Variants in HORMAD2 observed in about 807,000 individuals in gnomAD.
HORMAD2 encodes the protein HORMA domain-containing protein 2.
In HORMAD2, 45 loss-of-function variants were observed where a neutral mutation model predicts 38.8. The ratio of observed to expected loss-of-function variants is 1.16; its 90% CI spans 0.91 to 1.49. The LOEUF is 1.49. Ranked by LOEUF, HORMAD2 falls within the 40% of genes most tolerant of loss-of-function variation. HORMAD2 has a pLI of 0.00. For missense variants in HORMAD2, 338 were observed against 367.0 expected, an observed-to-expected ratio of 0.92 and a Z score of 0.65; for synonymous variants, 126 against 122.8, an observed-to-expected ratio of 1.03 and a Z score of -0.17.
the HORMAD2 span, among the ~76,000 whole-genome samples, chr22:30,201,912 C>G: frequency 6.6e-6 from 1 of 152,148 alleles, no homozygotes; most frequent in Non-Finnish European, 1.5e-5. Context: ...ATGAGAAATG[C>G]TACGGGAACT....
the HORMAD2 span, among the ~76,000 whole-genome samples, chr22:30,184,172 T>C: frequency 0.14 from 20,837 of 152,192 alleles, 2,914 homozygotes; most frequent in African/African-American, 0.34. Context: ...GACTAAGATG[T>C]TAATTCACAG....
At chr22:30,099,038 C>T in intron 3 of HORMAD2, 45 bp downstream of exon 3, 1 of 1,535,660 alleles carries the variant, frequency 6.5e-7, no homozygotes, top group South Asian at 1.2e-5. Context: ...TAGCCCCTTT[C>T]TCTATTTAGC....
At chr22:30,153,618 T>G (rs73883377) in intron 10 of HORMAD2, among the ~76,000 whole-genome samples, 11,901 of 152,228 alleles carry the variant, frequency 0.078, 545 homozygotes, top group African/African-American at 0.093. Context: ...TGTCTATGCT[T>G]CCTGTGTCCA....
chr22:30,138,243 ATTTTT>A (rs34611740), intron 10 of HORMAD2, among the ~76,000 whole-genome samples: 2 of 142,622 alleles, frequency 1.4e-5, no homozygotes, highest in East Asian at 4.1e-4. Flanking sequence ...TCTTTTGCCC[ATTTTT>A]TTTTTTTTTG....
At chr22:30,145,043 CA>C (rs1924326530) in intron 10 of HORMAD2, among the ~76,000 whole-genome samples, 1 of 152,118 alleles carries the variant, frequency 6.6e-6, no homozygotes, top group Admixed American at 6.5e-5. Context: ...CAAATACCAC[CA>C]ACTTTTGTTG....
At chr22:30,111,071 G>T (rs988679378) in intron 5 of HORMAD2, among the ~76,000 whole-genome samples, 2 of 148,018 alleles carry the variant, frequency 1.4e-5, no homozygotes, top group African/African-American at 2.5e-5. Flanking sequence ...CAGGAGAATC[G>T]CTTGAACCCG....
chr22:30,182,547 G>C, the HORMAD2 span, among the ~76,000 whole-genome samples: 1 of 152,180 alleles, frequency 6.6e-6, no homozygotes, highest in Non-Finnish European at 1.5e-5. Context: ...TGCAGTTTAT[G>C]AAGGATCTGC....
At chr22:30,105,708 A>G (rs1569088886) in intron 5 of HORMAD2, among the ~76,000 whole-genome samples, 1 of 152,352 alleles carries the variant, frequency 6.6e-6, no homozygotes, top group Non-Finnish European at 1.5e-5. Context: ...ATTCATATGC[A>G]GGGCTGATGA....
intron 10 of HORMAD2, among the ~76,000 whole-genome samples, chr22:30,160,816 C>CTAGA (rs1925397700): frequency 6.6e-6 from 1 of 152,090 alleles, no homozygotes. Flanking sequence ...TTTTTCAAAG[C>CTAGA]TAGATCAGGA....
chr22:30,146,441 G>A (rs1924423444), intron 10 of HORMAD2, among the ~76,000 whole-genome samples: 2 of 152,152 alleles, frequency 1.3e-5, no homozygotes, highest in African/African-American at 2.4e-5. Context: ...GTTGCAGTGA[G>A]CCGAGATCAT....
chr22:30,111,400 C>G (rs1486060405), intron 5 of HORMAD2, among the ~76,000 whole-genome samples: 1 of 152,094 alleles, frequency 6.6e-6, no homozygotes, highest in African/African-American at 2.4e-5. Context: ...GCAGGGGAAT[C>G]CCTTGAACCT....
chr22:30,158,992 G>A (rs918546970), intron 10 of HORMAD2, among the ~76,000 whole-genome samples: 1 of 151,938 alleles, frequency 6.6e-6, no homozygotes. Flanking sequence ...CCCCTGTAGT[G>A]GTAAAACTTT....
chr22:30,135,497 G>C (rs1198930630), intron 10 of HORMAD2, among the ~76,000 whole-genome samples: 1 of 152,016 alleles, frequency 6.6e-6, no homozygotes, highest in Non-Finnish European at 1.5e-5. Flanking sequence ...CAGAGGGCAG[G>C]GAACTATACA....
At chr22:30,121,929 A>G (rs765521931) in intron 9 of HORMAD2, 35 bp from the exon 10 acceptor site, 6 of 1,591,068 alleles carry the variant, frequency 3.8e-6, no homozygotes, top group African/African-American at 1.3e-5. Context: ...ATTGAAACTC[A>G]GTTTTCATGG....
At chr22:30,162,089 G>A (rs868285750) in intron 10 of HORMAD2, among the ~76,000 whole-genome samples, 9 of 152,132 alleles carry the variant, frequency 5.9e-5, no homozygotes, top group Admixed American at 2.0e-4. Flanking sequence ...GGGGTGGGCC[G>A]ATAACTTTAG....
At chr22:30,155,795 A>G (rs1378347210) in intron 10 of HORMAD2, among the ~76,000 whole-genome samples, 1 of 152,182 alleles carries the variant, frequency 6.6e-6, no homozygotes, top group Non-Finnish European at 1.5e-5. Flanking sequence ...TTTCTCCATC[A>G]GTGAGAGAAC....
chr22:30,131,080 C>T (rs1451208533), intron 10 of HORMAD2, among the ~76,000 whole-genome samples: 1 of 152,124 alleles, frequency 6.6e-6, no homozygotes, highest in African/African-American at 2.4e-5. Flanking sequence ...AGACAGGTTT[C>T]TTCAAAGAAC....
the HORMAD2 span, among the ~76,000 whole-genome samples, chr22:30,193,631 A>T: frequency 6.6e-6 from 1 of 152,216 alleles, no homozygotes; most frequent in African/African-American, 2.4e-5. Context: ...GTGAGTGCAT[A>T]GGCCCTGAGT....
chr22:30,188,716 T>A, the HORMAD2 span, among the ~76,000 whole-genome samples: 3 of 152,246 alleles, frequency 2.0e-5, no homozygotes, highest in Admixed American at 6.5e-5. Flanking sequence ...ACTCACTAAC[T>A]TGAGCCCCTA....
Sources: gnomAD v4.1 joint callset for allele counts (sites outside exome capture counted in the v4.1 genomes callset) on GRCh38, gnomAD v4.1.1 for gene constraint, MANE v1.5 for transcripts, NCBI Gene and HGNC (gene_info 2026-07-23, HGNC 2026-07-21) for gene names.